The following CUX1 variants were observed in gnomAD, a reference collection of about 807,000 sequenced individuals.
CUX1 encodes the protein protein CASP.
In CUX1, 31 loss-of-function variants were observed where a neutral mutation model predicts 158.8. The ratio of observed to expected loss-of-function variants is 0.20; its 90% CI spans 0.15 to 0.26. The LOEUF is 0.26. Among genes scored for constraint, CUX1 ranks in the 10% least tolerant of loss-of-function variants. CUX1 has a pLI of 1.00. For synonymous variants in CUX1, 879 were observed against 862.1 expected, an observed-to-expected ratio of 1.02 and a Z score of -0.34; for missense variants, 1,589 against 2,014.6, an observed-to-expected ratio of 0.79 and a Z score of 4.04.
rs150695448 is a variant in CUX1, at chr7:102,016,427, G to A, written c.142-11671G>A. Reference sequence around the variant, plus strand: ...TTGAAGGAGCCCCTAAAACAGGGCCGGAAGGCCCAAAATAGCCACTCAACA... The same window carrying A: ...TTGAAGGAGCCCCTAAAACAGGGCCAGAAGGCCCAAAATAGCCACTCAACA... On this transcript the variant is annotated intron_variant, in intron 2 of 23. Transcript: ENST00000292535. 9.8e-3 allele frequency among the ~76,000 whole-genome samples: 1,494 copies of A among 152,298 alleles called. 8 individuals carry two copies. The highest frequency in any genetic ancestry group is 0.019 in the South Asian group (92 of 4,822).
chr7:102,021,401 T>C lies in CUX1; in HGVS notation c.142-6697T>C, dbSNP rs567234181. ...ATAGCTCACTGCCATCCCAAACTCCTAGGCTCAAGCCATCCTCCACCTCAG... is the reference window on the plus strand; with the variant it reads ...ATAGCTCACTGCCATCCCAAACTCCCAGGCTCAAGCCATCCTCCACCTCAG... On this transcript the variant is annotated intron_variant, in intron 2 of 23. Coordinates refer to ENST00000292535, the MANE Select transcript of CUX1 (RefSeq NM_181552.4). 2.0e-4 allele frequency among the ~76,000 whole-genome samples: 30 copies of C among 152,160 alleles called. No individual in the cohort carries two copies. In the South Asian group the frequency reaches 5.6e-3, roughly 28 times the overall value.
At chr7:102,226,260 A>C (rs977541261) in intron 20 of CUX1, among the ~76,000 whole-genome samples, 5 of 152,236 alleles carry the variant, frequency 3.3e-5, no homozygotes, top group African/African-American at 1.2e-4. Flanking sequence ...TGGTTACAGC[A>C]TGGCTTATAC....
intron 3 of CUX1, among the ~76,000 whole-genome samples, chr7:102,038,247 G>A (rs368887400): frequency 2.6e-5 from 4 of 152,262 alleles, no homozygotes; most frequent in East Asian, 1.9e-4. Context: ...TACTGTCTAG[G>A]GCTGTGCATC....
In CUX1 at chr7:102,248,179, G is replaced by A. The variant is rs544412314; in HGVS notation, c.3888-233G>A. On this transcript the variant is annotated intron_variant, in intron 23 of 23. Coordinates refer to ENST00000292535, the MANE Select transcript of CUX1 (RefSeq NM_181552.4). This position sits in a 1 kb window ranked among gnomAD's most constrained non-coding sequence, Gnocchi z 5.8. ...GCCCGCGGCAATTTGTTGCAGTGGA[G>A]AATAGGGGAGTGGTGTCCCAGCCCT... Among the ~76,000 whole-genome samples the A allele has an allele frequency of 1.3e-5, 2 of 152,318 alleles. No individual in the cohort carries two copies. Among genetic ancestry groups the A allele is most frequent in the Admixed American group, 1.3e-4 (2 of 15,306 alleles).
intron 3 of CUX1, among the ~76,000 whole-genome samples, chr7:102,039,107 AT>A (rs1478321583): frequency 2.0e-5 from 3 of 152,174 alleles, no homozygotes; most frequent in African/African-American, 7.2e-5. Flanking sequence ...AAGCATATGG[AT>A]TTATTTGCTG....
intron 2 of CUX1, among the ~76,000 whole-genome samples, chr7:101,951,485 C>G (rs922261840): frequency 3.9e-5 from 6 of 152,098 alleles, no homozygotes; most frequent in African/African-American, 1.4e-4. Flanking sequence ...CCCTTCAAAA[C>G]TCATTGACTG....
chr7:101,997,461 A>C (rs1816098392), intron 2 of CUX1, among the ~76,000 whole-genome samples: 1 of 151,344 alleles, frequency 6.6e-6, no homozygotes, highest in African/African-American at 2.5e-5. Flanking sequence ...CTCCTGCCCC[A>C]GCCTCCCGAA....
chr7:102,050,028 C>A (rs10246310), intron 3 of CUX1, among the ~76,000 whole-genome samples: 21,838 of 152,152 alleles, frequency 0.14, 1,641 homozygotes, highest in Middle Eastern at 0.21. Context: ...GAACACCCCC[C>A]TGATAGGAGC....
chr7:102,208,093 C>T (rs1479774271), intron 20 of CUX1, among the ~76,000 whole-genome samples: 3 of 151,886 alleles, frequency 2.0e-5, no homozygotes, highest in Non-Finnish European at 4.4e-5. Context: ...GGGACTGAGG[C>T]GGGAGGATTG....
chr7:102,108,526 T>G (rs144669732), intron 6 of CUX1, among the ~76,000 whole-genome samples: 9 of 152,082 alleles, frequency 5.9e-5, no homozygotes, highest in African/African-American at 2.2e-4. Context: ...TCAGTAGAGA[T>G]AGGTTTTCTC....
chr7:102,248,756 C>A lies in CUX1; in HGVS notation c.4232C>A (p.Thr1411Asn). 1 of 1,033,486 alleles carries A rather than the reference C, an allele frequency of 9.7e-7. No homozygotes were observed. Among genetic ancestry groups the A allele is most frequent in the Non-Finnish European group, 1.2e-6 (1 of 860,818 alleles). 64.0% of individuals were successfully genotyped at this position (1,033,486 alleles called of 1,614,324 possible). A position where few individuals can be genotyped will look rare whatever the true frequency, so the allele number is the denominator to read the frequency against. The change falls in exon 24 of 24, where the codon ACC becomes AAC. Residue 1411 changes from threonine to asparagine, a missense_variant. This residue lies in a region of CUX1 where 344 missense variants were observed against 323.7 expected (regional missense o/e 1.06). Transcript: ENST00000292535. This position sits in a 1 kb window ranked among gnomAD's most constrained non-coding sequence, Gnocchi z 5.8. ...CCCAGCCCCGCCTCCGCGACCGCCA[C>A]CGCCGCGCCCGCGGCCCCCGAGGAC... Reference protein sequence around the residue: ...PLPSPASATATAAPAAPEDAA... With the variant: ...PLPSPASATANAAPAAPEDAA...
chr7:102,030,691 G>GTTTTTTTTTTTTTTTTTTTTGTTTTTTGT (rs71119801), intron 3 of CUX1, among the ~76,000 whole-genome samples: 1 of 119,386 alleles, frequency 8.4e-6, no homozygotes, highest in Non-Finnish European at 1.7e-5. Context: ...TTTAAAAAGT[G>GTTTTTTTTTTTTTTTTTTTTGTTTTTTGT]TTTTTTTTTT....
chr7:102,125,442 GACTCACC>G (rs1832525043), intron 8 of CUX1: 1 of 152,254 alleles, frequency 6.6e-6, no homozygotes, highest in Non-Finnish European at 1.5e-5. Flanking sequence ...ATGAGGTTCT[GACTCACC>G]ACGGGGAGTC....
rs1434330903 is a variant in CUX1, at chr7:102,250,136, T to C, written c.*1094T>C. Reference sequence around the variant, plus strand: ...TTTAACCTCTAACCGCAGAGCACGCTGATCAGACCTCATATCTTGGAGGTT... The same window carrying C: ...TTTAACCTCTAACCGCAGAGCACGCCGATCAGACCTCATATCTTGGAGGTT... On this transcript the variant is annotated 3_prime_UTR_variant, in exon 24 of 24. Coordinates refer to ENST00000292535, the MANE Select transcript of CUX1 (RefSeq NM_181552.4). 1.0e-6 allele frequency: 1 copy of C among 985,308 alleles called. No homozygotes were observed. The allele number at this position is 985,308 out of a possible 1,614,324, so 61.0% of individuals were successfully genotyped here.
At chr7:102,261,831 A>T (rs1280666750), downstream of CUX1, among the ~76,000 whole-genome samples, 2 of 152,066 alleles carry the variant, frequency 1.3e-5, no homozygotes, top group East Asian at 3.9e-4. Flanking sequence ...AAAAAGCCAA[A>T]CTCGGTCGGG....
At chr7:101,947,954 G>T (rs781018212) in intron 2 of CUX1, among the ~76,000 whole-genome samples, 1 of 152,130 alleles carries the variant, frequency 6.6e-6, no homozygotes, top group Admixed American at 6.6e-5. Flanking sequence ...ACTAATTTCT[G>T]TTGCACCTGA....
chr7:101,894,949 TC>T (rs1801307527), intron 1 of CUX1, among the ~76,000 whole-genome samples: 1 of 152,052 alleles, frequency 6.6e-6, no homozygotes, highest in African/African-American at 2.4e-5. Context: ...GATGGTGACC[TC>T]CCCAGCCTGT....
At chr7:101,817,225 G>A (rs1381500593), upstream of CUX1, 39 of 984,426 alleles carry the variant, frequency 4.0e-5, no homozygotes, top group Non-Finnish European at 4.7e-5. The surrounding 1 kb of genome is among the most constrained non-coding windows in gnomAD (Gnocchi z 4.1). Flanking sequence ...CCCCGCCGCC[G>A]GTCCGAGCCG....
chr7:102,106,746 G>A (rs546711524), intron 6 of CUX1, among the ~76,000 whole-genome samples: 1 of 152,252 alleles, frequency 6.6e-6, no homozygotes, highest in African/African-American at 2.4e-5. Flanking sequence ...TACCTCACGA[G>A]ACCAGTCACA....
Sources: allele counts gnomAD v4.1 joint callset (sites outside exome capture counted in the v4.1 genomes callset), GRCh38; gene constraint gnomAD v4.1.1; regional missense constraint gnomAD v4.1.1; non-coding constraint Gnocchi (gnomAD v3.1); transcripts MANE v1.5; gene names NCBI Gene and HGNC (gene_info 2026-07-23, HGNC 2026-07-21).